Variants in NBAS observed in about 807,000 individuals in gnomAD.
The protein encoded by NBAS is NAG/BC035112 fusion.
A neutral mutation model predicts 302.5 loss-of-function variants in NBAS; 219 were observed. That is an observed-to-expected ratio of 0.72 (90% confidence interval 0.65 to 0.81). The LOEUF (loss-of-function observed/expected upper bound fraction) is 0.81. Ranked by LOEUF, NBAS falls within the 30% of genes least tolerant of loss-of-function variation. NBAS has a pLI of 0.00. For missense variants in NBAS, 2,932 were observed against 2,841.6 expected, an observed-to-expected ratio of 1.03 and a Z score of -0.72; for synonymous variants, 1,118 against 1,021.6, an observed-to-expected ratio of 1.09 and a Z score of -1.80.
intron 28 of NBAS, chr2:15,393,601 T>G: frequency 3.0e-6 from 1 of 332,346 alleles, no homozygotes; most frequent in South Asian, 1.9e-5. Flanking sequence ...CTTAGGTATT[T>G]GTCTGAGAGA....
intron 30 of NBAS, among the ~76,000 whole-genome samples, 200 bp downstream of exon 30, chr2:15,379,401 TG>T: frequency 2.8e-5 from 1 of 35,558 alleles, no homozygotes; most frequent in Non-Finnish European, 8.5e-5. Context: ...GAAAGCGCGC[TG>T]GAGAAAAATG....
chr2:15,358,836 A>C (rs978324039), intron 32 of NBAS, among the ~76,000 whole-genome samples: 2 of 152,116 alleles, frequency 1.3e-5, no homozygotes, highest in African/African-American at 4.8e-5. Flanking sequence ...ATCTACATTA[A>C]ATTTTTGACT....
intron 11 of NBAS, among the ~76,000 whole-genome samples, chr2:15,496,330 G>A (rs1006029565): frequency 1.3e-5 from 2 of 152,130 alleles, no homozygotes; most frequent in African/African-American, 4.8e-5. Context: ...TGGGGAGATG[G>A]AGTGTTGCAG....
chr2:15,343,189 C>A (rs1672937105), intron 35 of NBAS, among the ~76,000 whole-genome samples: 1 of 152,082 alleles, frequency 6.6e-6, no homozygotes, highest in African/African-American at 2.4e-5. Flanking sequence ...ATGAACAAGG[C>A]TGAAAGGAAC....
chr2:15,342,702 AT>A (rs1000335502), intron 35 of NBAS, among the ~76,000 whole-genome samples: 12 of 152,136 alleles, frequency 7.9e-5, no homozygotes, highest in African/African-American at 2.9e-4. Flanking sequence ...TTATTAAATT[AT>A]TTTTATATTT....
the NBAS span, among the ~76,000 whole-genome samples, chr2:15,053,086 G>T: frequency 6.6e-6 from 1 of 152,108 alleles, no homozygotes; most frequent in Non-Finnish European, 1.5e-5. Context: ...AAGAGATGGA[G>T]CATTTTTGCT....
Position 15,356,275 on chromosome 2 carries a change from C to T in NBAS, c.3931+28G>A, listed in dbSNP as rs748516989. 3.9e-6 allele frequency: 6 copies of T among 1,553,996 alleles called. No individual in the cohort carries two copies. The South Asian group carries it at 5.6e-5, about 14-fold the overall frequency. On this transcript the variant is annotated intron_variant, in intron 33 of 51. Coordinates refer to ENST00000281513, the MANE Select transcript of NBAS (RefSeq NM_015909.4). ...ATCCATCACATAAAGAGGACATAAGCAAAGTGTTAAATAAGCTGTCTACTC... is the reference window on the plus strand; with the variant it reads ...ATCCATCACATAAAGAGGACATAAGTAAAGTGTTAAATAAGCTGTCTACTC...
chr2:15,422,681 T>A (rs578105751), intron 23 of NBAS, among the ~76,000 whole-genome samples: 9 of 152,324 alleles, frequency 5.9e-5, no homozygotes, highest in Admixed American at 6.5e-5. Context: ...GAATCATTAA[T>A]GATCTTTTAA....
At chr2:14,985,636 G>T in the NBAS span, among the ~76,000 whole-genome samples, 3 of 152,194 alleles carry the variant, frequency 2.0e-5, no homozygotes, top group African/African-American at 7.2e-5. Context: ...ATTGAGGACA[G>T]GGGCTCTTTC....
chr2:15,222,149 T>A (rs1461898613), intron 47 of NBAS, among the ~76,000 whole-genome samples: 3 of 152,208 alleles, frequency 2.0e-5, no homozygotes, highest in African/African-American at 7.2e-5. Flanking sequence ...AAGCAACCAT[T>A]ATTATTAAGG....
chr2:14,949,771 G>C, the NBAS span, among the ~76,000 whole-genome samples: 1 of 152,138 alleles, frequency 6.6e-6, no homozygotes, highest in Non-Finnish European at 1.5e-5. Flanking sequence ...AGGTCATTTT[G>C]TTAAGAGAAA....
chr2:15,110,484 A>C, the NBAS span, among the ~76,000 whole-genome samples: 1 of 152,308 alleles, frequency 6.6e-6, no homozygotes, highest in South Asian at 2.1e-4. Flanking sequence ...ATGGACAGCA[A>C]GAACAAAGAA....
intron 48 of NBAS, among the ~76,000 whole-genome samples, chr2:15,217,427 G>A (rs1412807305): frequency 6.6e-6 from 1 of 152,132 alleles, no homozygotes; most frequent in Non-Finnish European, 1.5e-5. Context: ...TTCGTGATGA[G>A]GCCCAAAATA....
chr2:15,558,671 T>G (rs1299990181), intron 1 of NBAS, 37 bp from the exon 2 acceptor site: 2 of 1,490,658 alleles, frequency 1.3e-6, no homozygotes, highest in Admixed American at 3.4e-5. Flanking sequence ...CATTTGAATC[T>G]TCTAGTAGTA....
chr2:15,186,573 C>T (rs1665096737), intron 50 of NBAS, among the ~76,000 whole-genome samples, 169 bp downstream of exon 50: 1 of 152,134 alleles, frequency 6.6e-6, no homozygotes, highest in Non-Finnish European at 1.5e-5. Context: ...AGCCTCAAAG[C>T]ATCCTTTCAG....
At chr2:15,219,582 C>G (rs1251517137) in intron 47 of NBAS, among the ~76,000 whole-genome samples, 7 of 136,500 alleles carry the variant, frequency 5.1e-5, no homozygotes, top group African/African-American at 2.0e-4. Flanking sequence ...TTGCACCGCC[C>G]TTAATCCATT....
chr2:15,331,694 T>A (rs1672359194), intron 35 of NBAS, among the ~76,000 whole-genome samples: 1 of 152,192 alleles, frequency 6.6e-6, no homozygotes, highest in Non-Finnish European at 1.5e-5. Context: ...TACCCGGGCA[T>A]CATCACATAA....
intron 35 of NBAS, among the ~76,000 whole-genome samples, chr2:15,339,654 G>A (rs115903880): frequency 2.0e-5 from 3 of 147,510 alleles, no homozygotes; most frequent in Admixed American, 2.0e-4. Flanking sequence ...AGAAAAGCAT[G>A]TCAGAAAAGC....
At chr2:15,224,671 C>G (rs1428687590) in intron 47 of NBAS, among the ~76,000 whole-genome samples, 2 of 152,178 alleles carry the variant, frequency 1.3e-5, no homozygotes, top group Non-Finnish European at 2.9e-5. Context: ...GCAGCAGGGG[C>G]CTCCTTTAGA....
Sources: gnomAD v4.1 joint callset for allele counts (sites outside exome capture counted in the v4.1 genomes callset) on GRCh38, gnomAD v4.1.1 for gene constraint, MANE v1.5 for transcripts, NCBI Gene and HGNC (gene_info 2026-07-23, HGNC 2026-07-21) for gene names.